Variants in HS3ST3B1 observed in about 807,000 individuals in gnomAD.
The protein encoded by HS3ST3B1 is heparan sulfate-glucosamine 3-sulfotransferase 3B1.
A neutral mutation model predicts 21.3 loss-of-function variants in HS3ST3B1; 13 were observed. The observed-to-expected ratio is 0.61, with a 90% CI of 0.40 to 0.97. The LOEUF (loss-of-function observed/expected upper bound fraction) is 0.97. Among genes scored for constraint, HS3ST3B1 ranks in the 50% least tolerant of loss-of-function variants. The pLI is 0.00. For missense variants in HS3ST3B1, 459 were observed against 554.8 expected (o/e 0.83, Z 1.73); for synonymous variants, 234 against 254.8 (o/e 0.92, Z 0.78).
intron 1 of HS3ST3B1, among the ~76,000 whole-genome samples, chr17:14,338,887 A>G (rs1910282403): frequency 6.6e-6 from 1 of 152,134 alleles, no homozygotes; most frequent in Admixed American, 6.5e-5. Context: ...TGTCATCCCC[A>G]AATCTTAATG....
chr17:14,316,767 T>A (rs1909513688), intron 1 of HS3ST3B1, among the ~76,000 whole-genome samples: 1 of 152,218 alleles, frequency 6.6e-6, no homozygotes, highest in Non-Finnish European at 1.5e-5. Context: ...GTCCTGCAGT[T>A]CACACAGCAC....
At chr17:14,328,519 A>G (rs965887461) in intron 1 of HS3ST3B1, 6 of 152,350 alleles carry the variant, frequency 3.9e-5, no homozygotes, top group Admixed American at 3.3e-4. Flanking sequence ...TAGAGTTTCC[A>G]TTGACATTGC....
intron 1 of HS3ST3B1, among the ~76,000 whole-genome samples, chr17:14,317,240 A>G (rs1332882710): frequency 6.6e-6 from 1 of 152,250 alleles, no homozygotes; most frequent in Non-Finnish European, 1.5e-5. Context: ...GGCAATAACA[A>G]GGACAGCCTT....
At chr17:14,305,707 C>T (rs975707118) in intron 1 of HS3ST3B1, among the ~76,000 whole-genome samples, 1 of 152,130 alleles carries the variant, frequency 6.6e-6, no homozygotes, top group Non-Finnish European at 1.5e-5. Flanking sequence ...TAAGCTGACA[C>T]GTTAATGCTG....
At chr17:14,344,619 G>A (rs1480737113) in intron 1 of HS3ST3B1, among the ~76,000 whole-genome samples, 1 of 152,174 alleles carries the variant, frequency 6.6e-6, no homozygotes, top group Non-Finnish European at 1.5e-5. Flanking sequence ...CTAGTGGCAG[G>A]ACTCATGGAC....
chr17:14,314,595 T>C (rs990268964), intron 1 of HS3ST3B1, among the ~76,000 whole-genome samples: 1 of 152,236 alleles, frequency 6.6e-6, no homozygotes, highest in Non-Finnish European at 1.5e-5. Context: ...ACTGCCTATG[T>C]TGACAGGTTG....
chr17:14,330,274 C>T (rs891265163), intron 1 of HS3ST3B1, among the ~76,000 whole-genome samples: 1 of 152,122 alleles, frequency 6.6e-6, no homozygotes, highest in Non-Finnish European at 1.5e-5. Context: ...TTGTGCCACC[C>T]TACTGCTGGC....
chr17:14,345,411 A>T lies in HS3ST3B1; in HGVS notation c.938A>T (p.Asp313Val), dbSNP rs1013367343. The change falls in exon 2 of 2, where the codon GAC becomes GTC. Residue 313 changes from aspartate (D) to valine (V), a missense_variant. By Grantham distance (152) the Asp-to-Val change is radical (BLOSUM62 -3). This residue lies in a region of HS3ST3B1 where 127 missense variants were observed against 209.9 expected (regional missense o/e 0.60). Coordinates refer to ENST00000360954, the MANE Select transcript of HS3ST3B1 (RefSeq NM_006041.3). ...GCCGGGGAGCTGGGCCGCGTGCAAGACTTCCTGGGCCTCAAGAGGATCATC... is the reference window on the plus strand; with the variant it reads ...GCCGGGGAGCTGGGCCGCGTGCAAGTCTTCCTGGGCCTCAAGAGGATCATC... Reference protein sequence around the residue: ...DPAGELGRVQDFLGLKRIITD... With the variant: ...DPAGELGRVQVFLGLKRIITD... The T allele has an allele frequency of 1.0e-5, 13 of 1,276,718 alleles. No homozygotes were observed. The highest frequency in any genetic ancestry group is 1.5e-5 in the African/African-American group (1 of 67,376). 79.1% of individuals were successfully genotyped at this position (1,276,718 alleles called of 1,614,324 possible). A position where few individuals can be genotyped will look rare whatever the true frequency, so the allele number is the denominator to read the frequency against.
In HS3ST3B1 at chr17:14,311,987, A is replaced by G. The variant is rs565499151; in HGVS notation, c.554+9915A>G. Among the ~76,000 whole-genome samples the G allele has an allele frequency of 6.6e-5, 10 of 152,334 alleles. No individual in the cohort carries two copies. The South Asian group carries it at 2.1e-3, about 32-fold the overall frequency. Reference sequence around the variant, plus strand: ...AACCATTTAAGGAGGAAGCAGAAGCATGAGATAAGATAGTACAAATTTAAA... The same window carrying G: ...AACCATTTAAGGAGGAAGCAGAAGCGTGAGATAAGATAGTACAAATTTAAA... On this transcript the variant is annotated intron_variant, in intron 1 of 1. Coordinates refer to ENST00000360954, the MANE Select transcript of HS3ST3B1 (RefSeq NM_006041.3).
At position 14,301,911 on chromosome 17, in the gene HS3ST3B1, G is replaced by GAAAGT; in HGVS notation, c.393_394insAAAGT (p.Ser132LysfsTer16). The GAAAGT allele has an allele frequency of 6.2e-7, 1 of 1,609,712 alleles. No homozygotes were observed. The highest frequency in any genetic ancestry group is 8.5e-7 in the Non-Finnish European group (1 of 1,178,700). ...GCCCCATCTCCAGCTTTTTCAGTGG[G>GAAAGT]TCTGGGAGCAAGCAGCTGCCGCAGG... On this transcript the variant is annotated frameshift_variant, in exon 1 of 2. Transcript: ENST00000360954. LOFTEE classifies it high-confidence loss of function.
At chr17:14,336,243 T>G (rs1910182625) in intron 1 of HS3ST3B1, among the ~76,000 whole-genome samples, 1 of 152,190 alleles carries the variant, frequency 6.6e-6, no homozygotes, top group Admixed American at 6.5e-5. Context: ...GTTTGCCTGT[T>G]GTGAGTTAGG....
At chr17:14,312,290 G>C (rs927844931) in intron 1 of HS3ST3B1, among the ~76,000 whole-genome samples, 1 of 152,038 alleles carries the variant, frequency 6.6e-6, no homozygotes, top group Admixed American at 6.6e-5. Flanking sequence ...CTACCTCTTG[G>C]ACCTAAGGAA....
At position 14,345,834 on chromosome 17, in the gene HS3ST3B1, A is replaced by C; in HGVS notation, c.*188A>C. 2.7e-6 allele frequency: 2 copies of C among 737,206 alleles called. No individual in the cohort carries two copies. Among genetic ancestry groups the C allele is most frequent in the Non-Finnish European group, 4.1e-6 (2 of 485,252 alleles). The allele number at this position is 737,206 out of a possible 1,614,324, so 45.7% of individuals were successfully genotyped here. ...ATCTGTTAACATTCCAAAGTGTTTA[A>C]CTCTAGTATTTCGTTCTCTTCTTCA... On this transcript the variant is annotated 3_prime_UTR_variant, in exon 2 of 2. Transcript: ENST00000360954.
chr17:14,339,504 C>T (rs912122510), intron 1 of HS3ST3B1, among the ~76,000 whole-genome samples: 3 of 152,082 alleles, frequency 2.0e-5, no homozygotes, highest in African/African-American at 7.2e-5. Context: ...GAAGAAGGCC[C>T]ATCAGGAGAG....
chr17:14,343,021 A>G (rs754855230), intron 1 of HS3ST3B1, among the ~76,000 whole-genome samples: 10 of 152,192 alleles, frequency 6.6e-5, no homozygotes, highest in Non-Finnish European at 1.5e-4. Context: ...AGGCGGGTGG[A>G]TCACGAGGTC....
At position 14,348,032 on chromosome 17, in the gene HS3ST3B1, C is replaced by A. The variant is rs1910626689; in HGVS notation, c.*2386C>A. 1 of 152,182 alleles carries A rather than the reference C, an allele frequency of 6.6e-6. No individual in the cohort carries two copies. The highest frequency in any genetic ancestry group is 2.4e-5 in the African/African-American group (1 of 41,428). 9.4% of individuals were successfully genotyped at this position (152,182 alleles called of 1,614,324 possible). ...CATGGCTTGAAGTAAAAGGCAGTAT[C>A]CAAGTCCTTCACCTGGTCTTGCCCT... On this transcript the variant is annotated 3_prime_UTR_variant, in exon 2 of 2. Transcript: ENST00000360954.
At chr17:14,343,173 C>T (rs890076293) in intron 1 of HS3ST3B1, among the ~76,000 whole-genome samples, 4 of 150,918 alleles carry the variant, frequency 2.7e-5, no homozygotes, top group Admixed American at 6.6e-5. Flanking sequence ...ACCCGAGAGG[C>T]GGAGGTTGCA....
intron 1 of HS3ST3B1, among the ~76,000 whole-genome samples, chr17:14,318,233 G>T (rs1909558469): frequency 6.6e-6 from 1 of 152,184 alleles, no homozygotes; most frequent in African/African-American, 2.4e-5. Flanking sequence ...GGAGAGGCAG[G>T]TGGTCTGCAG....
chr17:14,313,502 A>G (rs1421712348), intron 1 of HS3ST3B1, among the ~76,000 whole-genome samples: 1 of 152,174 alleles, frequency 6.6e-6, no homozygotes, highest in Non-Finnish European at 1.5e-5. Flanking sequence ...CCTGTATATG[A>G]ACACCACTCT....
Sources: allele counts gnomAD v4.1 joint callset (sites outside exome capture counted in the v4.1 genomes callset), GRCh38; gene constraint gnomAD v4.1.1; regional missense constraint gnomAD v4.1.1; transcripts MANE v1.5; gene names NCBI Gene and HGNC (gene_info 2026-07-23, HGNC 2026-07-21).